Variants in GALNT1 observed in about 807,000 individuals in gnomAD.
The protein encoded by GALNT1 is polypeptide N-acetylgalactosaminyltransferase 1.
Under a neutral mutation model 65.7 loss-of-function variants are expected in GALNT1, and 17 were observed. That is an observed-to-expected ratio of 0.26 (90% CI 0.18 to 0.39). GALNT1 has a LOEUF of 0.39. Among genes scored for constraint, GALNT1 ranks in the 10% least tolerant of loss-of-function variants. The probability of loss-of-function intolerance (pLI) is 1.00; values close to 1 mark genes in which losing one functional copy is unlikely to be tolerated. For synonymous variants in GALNT1, 210 were observed against 219.7 expected, an observed-to-expected ratio of 0.96 and a Z score of 0.39; for missense variants, 460 against 672.8, an observed-to-expected ratio of 0.68 and a Z score of 3.50.
chr18:35,622,421 T>A (rs1419629620), intron 1 of GALNT1, among the ~76,000 whole-genome samples: 4 of 152,170 alleles, frequency 2.6e-5, no homozygotes, highest in South Asian at 4.1e-4. Flanking sequence ...CTGGCTAACT[T>A]TTGTATTTTT....
In GALNT1 at chr18:35,687,136, T is replaced by A. The variant is rs2047880514; in HGVS notation, c.810T>A (p.Val270=). ...NWKLNFRWYP[V]PQREMDRRKG... ...AGCTCAATTTTCGCTGGTATCCTGT[T>A]CCCCAAAGAGAAATGGACAGAAGGA... Residue 270 remains valine (V), a synonymous_variant, in exon 6 of 12, where the codon GTT becomes GTA. Transcript: ENST00000269195. 10 of 1,613,912 alleles carry A rather than the reference T, an allele frequency of 6.2e-6. No homozygotes were observed. The highest frequency in any genetic ancestry group is 7.6e-6 in the Non-Finnish European group (9 of 1,179,848).
In GALNT1 at chr18:35,699,192, TTATCA is replaced by T. The variant is rs542129766; in HGVS notation, c.1300-3702_1300-3698del. ...CTCTCTACTCTGAAATAATTTGGAA[TTATCA>T]TAACATAATTCATAGGGATGTATCA... is the stretch of plus-strand genomic sequence containing the variant. On this transcript the variant is annotated intron_variant, in intron 9 of 11. Coordinates refer to ENST00000269195, the MANE Select transcript of GALNT1 (RefSeq NM_020474.4). 1.1e-3 allele frequency among the ~76,000 whole-genome samples: 171 copies of T among 152,246 alleles called. 1 individual carries two copies. Among genetic ancestry groups the T allele is most frequent in the South Asian group, 7.1e-3 (34 of 4,820 alleles).
At chr18:35,588,484 A>T (rs1487131055) in intron 1 of GALNT1, among the ~76,000 whole-genome samples, 2 of 152,138 alleles carry the variant, frequency 1.3e-5, no homozygotes, top group Admixed American at 6.5e-5. Flanking sequence ...CACTTGCCAA[A>T]TTTAGGAAGT....
intron 2 of GALNT1, among the ~76,000 whole-genome samples, chr18:35,656,290 T>G (rs2047384432): frequency 6.6e-6 from 1 of 152,224 alleles, no homozygotes; most frequent in South Asian, 2.1e-4. Flanking sequence ...GACTTTTATA[T>G]GTGCTGGGCA....
intron 1 of GALNT1, among the ~76,000 whole-genome samples, chr18:35,607,798 G>T (rs1463884134): frequency 6.6e-6 from 1 of 152,100 alleles, no homozygotes; most frequent in Non-Finnish European, 1.5e-5. Context: ...TACACTCAAG[G>T]CTTCCTGTCA....
intron 9 of GALNT1, among the ~76,000 whole-genome samples, chr18:35,694,047 C>T (rs149608485): frequency 3.2e-4 from 48 of 152,172 alleles, no homozygotes; most frequent in African/African-American, 1.1e-3. Flanking sequence ...TCAGCTGTAT[C>T]GAATACTGCA....
intron 1 of GALNT1, among the ~76,000 whole-genome samples, chr18:35,651,091 C>G (rs929208434): frequency 3.7e-4 from 56 of 152,188 alleles, no homozygotes; most frequent in Non-Finnish European, 3.8e-4. Context: ...GCCATGGCTT[C>G]AGCTGGTCCC....
chr18:35,696,758 T>G (rs2144701118), intron 9 of GALNT1, among the ~76,000 whole-genome samples: 1 of 152,324 alleles, frequency 6.6e-6, no homozygotes, highest in South Asian at 2.1e-4. Flanking sequence ...AAAACACGGC[T>G]AAACTCACAA....
At chr18:35,592,017 T>C (rs1190293961) in intron 1 of GALNT1, among the ~76,000 whole-genome samples, 2 of 152,196 alleles carry the variant, frequency 1.3e-5, no homozygotes, top group East Asian at 3.9e-4. Flanking sequence ...GGTGGAACTG[T>C]CCTGTAGGCT....
In GALNT1 at chr18:35,711,147, G is replaced by T. The variant is rs2048345454; in HGVS notation, c.*1377G>T. On this transcript the variant is annotated 3_prime_UTR_variant, in exon 12 of 12. Coordinates refer to ENST00000269195, the MANE Select transcript of GALNT1 (RefSeq NM_020474.4). ...CCACAGAATCACCTGAGTGTCAATT[G>T]AAAGTTGTCAATTAAAAGGTAACCT... The T allele has an allele frequency of 6.6e-6, 1 of 151,886 alleles. No homozygotes were observed. The highest frequency in any genetic ancestry group is 2.1e-4 in the South Asian group (1 of 4,786). 9.4% of individuals were successfully genotyped at this position (151,886 alleles called of 1,614,324 possible).
At chr18:35,704,684 G>T (rs532693409) in intron 11 of GALNT1, among the ~76,000 whole-genome samples, 1 of 146,610 alleles carries the variant, frequency 6.8e-6, no homozygotes, top group East Asian at 2.0e-4. Flanking sequence ...CGCTCTTATC[G>T]CCCAGGCTGG....
chr18:35,602,875 C>T (rs948752997), intron 1 of GALNT1, among the ~76,000 whole-genome samples: 1 of 152,158 alleles, frequency 6.6e-6, no homozygotes, highest in Non-Finnish European at 1.5e-5. Flanking sequence ...CTTTGTCCTT[C>T]TGGGGAAGCC....
chr18:35,661,006 A>G (rs950358932), intron 2 of GALNT1, among the ~76,000 whole-genome samples: 1 of 152,220 alleles, frequency 6.6e-6, no homozygotes, highest in African/African-American at 2.4e-5. Flanking sequence ...ATAGTGCATC[A>G]GCAGGATTGT....
Position 35,632,431 on chromosome 18 carries a change from C to G in GALNT1, c.-103-22129C>G, listed in dbSNP as rs567546804. Reference sequence around the variant, plus strand: ...ACTATCTGATCTTTGACAAACCTGACAAAAACAAGAAATGGGGAAAGGATT... The same window carrying G: ...ACTATCTGATCTTTGACAAACCTGAGAAAAACAAGAAATGGGGAAAGGATT... On this transcript the variant is annotated intron_variant, in intron 1 of 11. Transcript: ENST00000269195. 4.6e-5 allele frequency among the ~76,000 whole-genome samples: 7 copies of G among 152,150 alleles called. No homozygotes were observed. In the South Asian group the frequency reaches 1.0e-3, roughly 23 times the overall value.
rs1209185641 is a variant in GALNT1 at position 35,645,216 on chromosome 18, ATG to A, written c.-103-9342_-103-9341del. On this transcript the variant is annotated intron_variant, in intron 1 of 11. Coordinates refer to ENST00000269195, the MANE Select transcript of GALNT1 (RefSeq NM_020474.4). ...TGTTGGGTTTTCATAGCTATTTTGA[ATG>A]TTTTTTTTTTTTTTTTTTTTTTTTT... Among the ~76,000 whole-genome samples, 178 of 121,116 alleles carry A rather than the reference ATG, an allele frequency of 1.5e-3. 3 individuals are homozygous for A. Among genetic ancestry groups the A allele is most frequent in the African/African-American group, 4.9e-3 (156 of 31,858 alleles). The allele number at this position is 121,116 out of a possible 152,430, so 79.5% of individuals were successfully genotyped here. A position where few individuals can be genotyped will look rare whatever the true frequency, so the allele number is the denominator to read the frequency against.
chr18:35,707,118 G>T (rs1029237593), intron 11 of GALNT1, among the ~76,000 whole-genome samples: 1 of 152,208 alleles, frequency 6.6e-6, no homozygotes, highest in South Asian at 2.1e-4. Flanking sequence ...AGTCTTGCTT[G>T]TATTACATAT....
chr18:35,707,490 G>A (rs1203283659), intron 11 of GALNT1, among the ~76,000 whole-genome samples: 1 of 152,186 alleles, frequency 6.6e-6, no homozygotes, highest in Non-Finnish European at 1.5e-5. Context: ...AGCAGCCAGA[G>A]TTGTATCTGG....
intron 9 of GALNT1, among the ~76,000 whole-genome samples, chr18:35,693,895 G>A (rs1219668883): frequency 1.3e-5 from 2 of 152,040 alleles, no homozygotes; most frequent in Non-Finnish European, 2.9e-5. Flanking sequence ...AATGCCAGAG[G>A]GAATGCCACA....
chr18:35,703,861 A>G (rs185691265), intron 11 of GALNT1, among the ~76,000 whole-genome samples: 190 of 152,334 alleles, frequency 1.2e-3, no homozygotes, highest in Non-Finnish European at 2.3e-3. Flanking sequence ...GTTGCCTCCA[A>G]TCCCTGGGTC....
Sources: allele counts gnomAD v4.1 joint callset (sites outside exome capture counted in the v4.1 genomes callset), GRCh38; gene constraint gnomAD v4.1.1; transcripts MANE v1.5; gene names NCBI Gene and HGNC (gene_info 2026-07-23, HGNC 2026-07-21).